Variants in TAF7L observed in about 807,000 individuals in gnomAD.
The protein encoded by TAF7L is transcription initiation factor TFIID subunit 7-like.
TAF7L carries 6 observed loss-of-function variants against 30.2 expected under a neutral mutation model. That is an observed-to-expected ratio of 0.20 (90% CI 0.11 to 0.39). TAF7L has a LOEUF of 0.39. Ranked by LOEUF, TAF7L falls within the 10% of genes least tolerant of loss-of-function variation. TAF7L has a pLI of 1.00. For missense variants in TAF7L, 284 were observed against 277.1 expected (o/e 1.03, Z -0.18); for synonymous variants, 93 against 94.5 (o/e 0.98, Z 0.09).
At chrX:101,282,822 G>A (rs1262840624) in intron 4 of TAF7L, among the ~76,000 whole-genome samples, 3 of 111,128 alleles carry the variant, frequency 2.7e-5, no homozygotes, top group Non-Finnish European at 3.8e-5. Flanking sequence ...GGAGTGCAGT[G>A]GTACGTGATC....
upstream of TAF7L, among the ~76,000 whole-genome samples, chrX:101,292,366 G>A (rs1478646004): frequency 9.6e-6 from 1 of 103,832 alleles, no homozygotes; most frequent in African/African-American, 3.5e-5. Flanking sequence ...TTGAACCCAG[G>A]AGGTGGAGGT....
At position 101,287,555 on chromosome X, in the gene TAF7L, G is replaced by C. The variant is rs768747784; in HGVS notation, c.-2-10C>G. Reference sequence around the variant, plus strand: ...TGGCTTTCACTCATGTCTTGATTTTGAGTTCATGAAAGCAAAAAGAAAACC... The same window carrying C: ...TGGCTTTCACTCATGTCTTGATTTTCAGTTCATGAAAGCAAAAAGAAAACC... On this transcript the variant is annotated splice_polypyrimidine_tract_variant and intron_variant, in intron 1 of 12. Coordinates refer to ENST00000356784, the MANE Select transcript of TAF7L (RefSeq NM_001168474.2). The C allele has an allele frequency of 8.3e-7, 1 of 1,202,860 alleles. No homozygotes were observed. Among genetic ancestry groups the C allele is most frequent in the Non-Finnish European group, 1.1e-6 (1 of 888,606 alleles).
At chrX:101,290,997 T>C (rs781520978) in intron 1 of TAF7L, among the ~76,000 whole-genome samples, 4 of 112,073 alleles carry the variant, frequency 3.6e-5, no homozygotes, top group Non-Finnish European at 5.6e-5. Flanking sequence ...CTGACCTCCA[T>C]CCTTATCCCC....
At chrX:101,292,815 G>GGCCTGGGCAGCA (rs1242068384), upstream of TAF7L, 6 of 1,208,000 alleles carry the variant, frequency 5.0e-6, no homozygotes, top group South Asian at 8.8e-5. Context: ...AGTTTTCTGG[G>GGCCTGGGCAGCA]GCCTGGGCAG....
Position 101,282,421 on chromosome X carries a change from G to C in TAF7L, c.312C>G (p.His104Gln). The change falls in exon 5 of 13, where the codon CAC (histidine) becomes CAG (glutamine). Residue 104 changes from histidine to glutamine, a missense_variant. Coordinates refer to ENST00000356784, the MANE Select transcript of TAF7L (RefSeq NM_001168474.2). ...MLVCTADGDI[H>Q]LSPEEPAAST... ...AGGCAGCTGGTTCTTCTGGAGAAAGGTGGATATCACCATCAGCAGTGCACA... is the reference window on the plus strand; with the variant it reads ...AGGCAGCTGGTTCTTCTGGAGAAAGCTGGATATCACCATCAGCAGTGCACA... 8.3e-7 allele frequency: 1 copy of C among 1,210,965 alleles called. No individual in the cohort carries two copies. Among genetic ancestry groups the C allele is most frequent in the Non-Finnish European group, 1.1e-6 (1 of 895,045 alleles).
chrX:101,290,689 G>A (rs1179623596), intron 1 of TAF7L, among the ~76,000 whole-genome samples: 1 of 112,202 alleles, frequency 8.9e-6, no homozygotes, highest in Admixed American at 9.4e-5. Flanking sequence ...AATCCTGGTT[G>A]AACTGGGTTT....
intron 3 of TAF7L, among the ~76,000 whole-genome samples, chrX:101,285,316 T>A (rs955780441): frequency 9.1e-6 from 1 of 109,447 alleles, no homozygotes; most frequent in African/African-American, 3.3e-5. Flanking sequence ...GTCAACATGG[T>A]GAAACCCCAT....
upstream of TAF7L, among the ~76,000 whole-genome samples, chrX:101,291,844 G>A (rs1449506193): frequency 4.2e-5 from 4 of 95,455 alleles, no homozygotes; most frequent in African/African-American, 1.5e-4. Flanking sequence ...CCAGCCTGGC[G>A]ACAGAGTGAG....
At chrX:101,275,347 G>A in intron 11 of TAF7L, 66 bp from the exon 12 acceptor site, 1 of 795,150 alleles carries the variant, frequency 1.3e-6, no homozygotes, top group East Asian at 3.5e-5. Context: ...ACCAAGGGAG[G>A]CAAGGAGTTT....
At chrX:101,286,484 A>T in intron 3 of TAF7L, 91 bp downstream of exon 3, 2 of 610,637 alleles carry the variant, frequency 3.3e-6, no homozygotes, top group Non-Finnish European at 5.0e-6. Context: ...ATCATTTTTC[A>T]CATCCTTAGT....
chrX:101,281,652 C>T, intron 6 of TAF7L, 68 bp downstream of exon 6: 1 of 1,018,126 alleles, frequency 9.8e-7, no homozygotes, highest in Non-Finnish European at 1.4e-6. Flanking sequence ...CTGACTTTTT[C>T]TCTTTTCTTC....
chrX:101,269,190 T>G lies in TAF7L; in HGVS notation c.*3A>C. 8.3e-7 allele frequency: 1 copy of G among 1,208,684 alleles called. No homozygotes were observed. The highest frequency in any genetic ancestry group is 1.1e-6 in the Non-Finnish European group (1 of 893,356). On this transcript the variant is annotated 3_prime_UTR_variant, in exon 13 of 13. Coordinates refer to ENST00000356784, the MANE Select transcript of TAF7L (RefSeq NM_001168474.2). ...GGTTTGTGGGCCACGCCAATGGCTC[T>G]CCTCACTTCTTCAGAAAACGCTGCA...
chrX:101,276,046 T>G lies in TAF7L; in HGVS notation c.980A>C (p.Gln327Pro). The G allele has an allele frequency of 8.3e-7, 1 of 1,206,909 alleles. No individual in the cohort carries two copies. Among genetic ancestry groups the G allele is most frequent in the East Asian group, 3.0e-5 (1 of 33,828 alleles). The change falls in exon 11 of 13, where the codon CAA becomes CCA. Residue 327 changes from glutamine to proline, a missense_variant. Coordinates refer to ENST00000356784, the MANE Select transcript of TAF7L (RefSeq NM_001168474.2). Reference sequence around the variant, plus strand: ...TTTCATGATGAGATCCTTCTGTCTTTGTGCTTTATTCTGAATCTTATGGAG... The same window carrying G: ...TTTCATGATGAGATCCTTCTGTCTTGGTGCTTTATTCTGAATCTTATGGAG... ...KKLHKIQNKAQRQKDLIMKVE... is the reference protein window; with the variant it reads ...KKLHKIQNKAPRQKDLIMKVE...
chrX:101,291,341 C>T (rs911893986), upstream of TAF7L: 4 of 740,528 alleles, frequency 5.4e-6, no homozygotes, highest in African/African-American at 2.3e-5. Flanking sequence ...GAACGCTGGG[C>T]TGCCGGCGCC....
chrX:101,280,396 T>C (rs1311702717), intron 6 of TAF7L, among the ~76,000 whole-genome samples: 1 of 112,119 alleles, frequency 8.9e-6, no homozygotes, highest in Admixed American at 9.5e-5. Context: ...TCAACCCCGT[T>C]AACCATCAGG....
chrX:101,291,299 C>A lies in TAF7L; in HGVS notation c.-78G>T. 1 of 754,429 alleles carries A rather than the reference C, an allele frequency of 1.3e-6. No homozygotes were observed. The highest frequency in any genetic ancestry group is 1.6e-6 in the Non-Finnish European group (1 of 639,162). 62.2% of individuals were successfully genotyped at this position (754,429 alleles called of 1,213,427 possible). On this transcript the variant is annotated 5_prime_UTR_variant, in exon 1 of 13. Transcript: ENST00000356784. ...TCTGGTCTGTGGGTTCCGGACGAAC[C>A]GCGCGTGGGCTCCCGCGCGGAACGT...
chrX:101,285,909 A>G (rs1449080802), intron 3 of TAF7L, among the ~76,000 whole-genome samples: 2 of 111,639 alleles, frequency 1.8e-5, no homozygotes. Flanking sequence ...CTGGCCAGGC[A>G]CGGTGGCTCA....
chrX:101,288,476 A>T (rs377597220), intron 1 of TAF7L, among the ~76,000 whole-genome samples: 1 of 95,930 alleles, frequency 1.0e-5, no homozygotes, highest in African/African-American at 3.9e-5. Context: ...TTTGAGACGG[A>T]GTCTCTTTTT....
At chrX:101,270,980 T>C (rs11092298) in intron 12 of TAF7L, among the ~76,000 whole-genome samples, 37,738 of 110,004 alleles carry the variant, frequency 0.34, 4,769 homozygotes, top group Middle Eastern at 0.38. Flanking sequence ...ACCCTACCTA[T>C]ATTTTAAGGC....
Sources: allele counts gnomAD v4.1 joint callset (sites outside exome capture counted in the v4.1 genomes callset), GRCh38; gene constraint gnomAD v4.1.1; transcripts MANE v1.5; gene names NCBI Gene and HGNC (gene_info 2026-07-23, HGNC 2026-07-21).